SYCE3: variants seen among roughly 807,000 people sequenced by gnomAD.
The protein encoded by SYCE3 is testis highly expressed gene 2 protein.
Under a neutral mutation model 8.1 loss-of-function variants are expected in SYCE3, and 3 were observed. The ratio of observed to expected loss-of-function variants is 0.37; its 90% CI spans 0.17 to 0.96. The LOEUF is 0.96. SYCE3 is among the 40% of genes least tolerant of loss of function. The probability of loss-of-function intolerance (pLI) is 0.41; values close to 1 mark genes in which losing one functional copy is unlikely to be tolerated. For missense variants in SYCE3, 83 were observed against 110.0 expected (o/e 0.75, Z 1.10); for synonymous variants, 36 against 38.7 (o/e 0.93, Z 0.26).
chr22:50,553,727 C>A (rs1443339129), intron 2 of SYCE3, among the ~76,000 whole-genome samples: 1 of 152,120 alleles, frequency 6.6e-6, no homozygotes, highest in Non-Finnish European at 1.5e-5. Context: ...GGATTCCAGG[C>A]ATCCACCAAC....
intron 1 of SYCE3, among the ~76,000 whole-genome samples, chr22:50,560,595 G>A (rs1388514000): frequency 2.0e-5 from 3 of 152,204 alleles, no homozygotes; most frequent in Non-Finnish European, 4.4e-5. Context: ...AGACAAAATG[G>A]ATTGTGTGTA....
intron 1 of SYCE3, among the ~76,000 whole-genome samples, chr22:50,560,381 G>A (rs1319053911): frequency 4.6e-5 from 7 of 152,082 alleles, no homozygotes. Context: ...TAGTTACTCA[G>A]GAGGGTGAGG....
chr22:50,559,132 T>C (rs1313569747), intron 1 of SYCE3, among the ~76,000 whole-genome samples: 2 of 152,030 alleles, frequency 1.3e-5, no homozygotes, highest in Non-Finnish European at 2.9e-5. Flanking sequence ...CACACTCTTT[T>C]TTTTTTTTTC....
chr22:50,556,411 CA>C lies in SYCE3; in HGVS notation c.1-7del. On this transcript the variant is annotated splice_region_variant and splice_polypyrimidine_tract_variant and intron_variant, in intron 1 of 2. Coordinates refer to ENST00000406915, the MANE Select transcript of SYCE3 (RefSeq NM_001123225.3). Reference sequence around the variant, plus strand: ...TCAGGGTCAGCATCATCCATCTAGGCAATGCACAGAAAGAAGCTGCAGTCAG... The same window carrying C: ...TCAGGGTCAGCATCATCCATCTAGGCATGCACAGAAAGAAGCTGCAGTCAG... The C allele has an allele frequency of 6.5e-7, 1 of 1,545,932 alleles. No homozygotes were observed. The highest frequency in any genetic ancestry group is 1.2e-5 in the South Asian group (1 of 83,872).
intron 1 of SYCE3, among the ~76,000 whole-genome samples, chr22:50,561,791 A>G (rs1396126604): frequency 6.6e-6 from 1 of 151,236 alleles, no homozygotes; most frequent in African/African-American, 2.4e-5. Flanking sequence ...AAGGGAATGC[A>G]CCTGTGATGT....
intron 2 of SYCE3, among the ~76,000 whole-genome samples, chr22:50,554,979 A>G (rs1012844277): frequency 1.3e-4 from 20 of 149,804 alleles, no homozygotes; most frequent in African/African-American, 2.7e-4. Flanking sequence ...AAAATTAGCC[A>G]GGCGTGGTGG....
intron 1 of SYCE3, among the ~76,000 whole-genome samples, chr22:50,559,574 C>G (rs911283625): frequency 2.0e-5 from 3 of 152,158 alleles, no homozygotes; most frequent in Admixed American, 6.6e-5. Context: ...ACAGGGACAT[C>G]ATTTAGGAGG....
At chr22:50,552,463 C>T (rs547673042) in intron 2 of SYCE3, among the ~76,000 whole-genome samples, 1 of 152,132 alleles carries the variant, frequency 6.6e-6, no homozygotes, top group South Asian at 2.1e-4. Flanking sequence ...CCATCCTGGC[C>T]AACATGGCCA....
At chr22:50,556,186 T>C in intron 2 of SYCE3, 111 bp downstream of exon 2, 1 of 709,276 alleles carries the variant, frequency 1.4e-6, no homozygotes, top group Non-Finnish European at 2.4e-6. Context: ...TGAACATATG[T>C]CCTGAGGACC....
intron 2 of SYCE3, among the ~76,000 whole-genome samples, chr22:50,553,415 T>C (rs2069829126): frequency 6.6e-6 from 1 of 152,200 alleles, no homozygotes; most frequent in Non-Finnish European, 1.5e-5. Context: ...ATTACTCTTA[T>C]AATTGTCAAA....
At chr22:50,559,450 T>C (rs2069893173) in intron 1 of SYCE3, among the ~76,000 whole-genome samples, 1 of 152,134 alleles carries the variant, frequency 6.6e-6, no homozygotes, top group South Asian at 2.1e-4. Flanking sequence ...TTATTCTGAA[T>C]GAGATGAGGA....
Position 50,551,170 on chromosome 22 carries a change from G to A in SYCE3, c.*75C>T. On this transcript the variant is annotated 3_prime_UTR_variant, in exon 3 of 3. Transcript: ENST00000406915. ...ACAGTGCATACAGCTATTCATGTGG[G>A]TGCCAGCTCCATCCCCCAGTGACCT... The A allele has an allele frequency of 6.6e-7, 1 of 1,517,658 alleles. No homozygotes were observed. Among genetic ancestry groups the A allele is most frequent in the Non-Finnish European group, 8.9e-7 (1 of 1,124,092 alleles). The allele number at this position is 1,517,658 out of a possible 1,614,324, so 94.0% of individuals were successfully genotyped here. A position where few individuals can be genotyped will look rare whatever the true frequency, so the allele number is the denominator to read the frequency against.
At chr22:50,561,197 G>C (rs113337107) in intron 1 of SYCE3, among the ~76,000 whole-genome samples, 6 of 152,122 alleles carry the variant, frequency 3.9e-5, no homozygotes, top group Non-Finnish European at 7.4e-5. Context: ...TGAAGCAGAG[G>C]CATAGAAAAG....
intron 2 of SYCE3, among the ~76,000 whole-genome samples, chr22:50,555,719 A>C (rs2069853504): frequency 6.6e-6 from 1 of 152,024 alleles, no homozygotes; most frequent in African/African-American, 2.4e-5. Context: ...ATCAGAAAAA[A>C]TTTAAATCTA....
chr22:50,552,468 T>C (rs1361177158), intron 2 of SYCE3, among the ~76,000 whole-genome samples: 1 of 152,058 alleles, frequency 6.6e-6, no homozygotes, highest in Non-Finnish European at 1.5e-5. Flanking sequence ...CTGGCCAACA[T>C]GGCCAGTGTT....
chr22:50,553,246 C>T (rs1352484561), intron 2 of SYCE3, among the ~76,000 whole-genome samples: 1 of 148,426 alleles, frequency 6.7e-6, no homozygotes, highest in African/African-American at 2.6e-5. Flanking sequence ...GCTGGGATTA[C>T]AGGCCACTGC....
chr22:50,561,028 C>T (rs1354093651), intron 1 of SYCE3, among the ~76,000 whole-genome samples: 1 of 152,088 alleles, frequency 6.6e-6, no homozygotes, highest in African/African-American at 2.4e-5. Context: ...TGACTGAGGC[C>T]ACATGGCCAC....
intron 1 of SYCE3, among the ~76,000 whole-genome samples, chr22:50,561,574 G>A (rs983160353): frequency 6.6e-6 from 1 of 151,644 alleles, no homozygotes; most frequent in African/African-American, 2.4e-5. Flanking sequence ...GGGAGTGTAG[G>A]GTCTGGCTTG....
Position 50,556,282 on chromosome 22 carries a change from G to A in SYCE3, c.109+15C>T. On this transcript the variant is annotated intron_variant, in intron 2 of 2. Coordinates refer to ENST00000406915, the MANE Select transcript of SYCE3 (RefSeq NM_001123225.3). ...TGAGACCTGTCTCAGATACTTTTGG[G>A]TTCACACATCCTACCTGAGATTTTC... 6.5e-7 allele frequency: 1 copy of A among 1,527,566 alleles called. No homozygotes were observed. The highest frequency in any genetic ancestry group is 8.9e-7 in the Non-Finnish European group (1 of 1,125,908). 94.6% of individuals were successfully genotyped at this position (1,527,566 alleles called of 1,614,324 possible).
Sources: gnomAD v4.1 joint callset for allele counts (sites outside exome capture counted in the v4.1 genomes callset) on GRCh38, gnomAD v4.1.1 for gene constraint, MANE v1.5 for transcripts, NCBI Gene and HGNC (gene_info 2026-07-23, HGNC 2026-07-21) for gene names.